HERC1: variants seen among roughly 807,000 people sequenced by gnomAD.
HERC1 encodes the protein probable E3 ubiquitin-protein ligase HERC1.
Under a neutral mutation model 554.3 loss-of-function variants are expected in HERC1, and 160 were observed. The ratio of observed to expected loss-of-function variants is 0.29; its 90% confidence interval spans 0.25 to 0.33. The LOEUF (loss-of-function observed/expected upper bound fraction) is 0.33. Ranked by LOEUF, HERC1 falls within the 10% of genes least tolerant of loss-of-function variation. The pLI is 1.00. For synonymous variants in HERC1, 2,175 were observed against 2,131.7 expected (o/e 1.02, Z -0.56); for missense variants, 4,919 against 5,918.5 (o/e 0.83, Z 5.54).
At chr15:63,676,810 T>G (rs995296042) in intron 37 of HERC1, among the ~76,000 whole-genome samples, 2 of 152,180 alleles carry the variant, frequency 1.3e-5, no homozygotes, top group African/African-American at 4.8e-5. Context: ...TTCTATGTCA[T>G]ACCAACATGT....
chr15:63,653,406 G>A (rs1407336189), intron 51 of HERC1, among the ~76,000 whole-genome samples: 2 of 152,150 alleles, frequency 1.3e-5, no homozygotes, highest in African/African-American at 2.4e-5. Flanking sequence ...TCTCACCACT[G>A]TACTTCAGTC....
chr15:63,733,045 G>C lies in HERC1; in HGVS notation c.2747C>G (p.Ser916Cys). Reference sequence around the variant, plus strand: ...CAGATTTCCGTAGCCAGTACACACAGAAGATAGGTCAGCAGCATCAGAGGG... The same window carrying C: ...CAGATTTCCGTAGCCAGTACACACACAAGATAGGTCAGCAGCATCAGAGGG... Reference protein sequence around the residue: ...SSPSDAADLSSVCTGYGNLSD... With the variant: ...SSPSDAADLSCVCTGYGNLSD... The change falls in exon 14 of 78, where the codon TCT becomes TGT. Residue 916 changes from serine to cysteine, a missense_variant. By Grantham distance (112) the Ser-to-Cys change is moderately radical. Transcript: ENST00000443617. 1 of 1,613,920 alleles carries C rather than the reference G, an allele frequency of 6.2e-7. No individual in the cohort carries two copies. Among genetic ancestry groups the C allele is most frequent in the Non-Finnish European group, 8.5e-7 (1 of 1,179,782 alleles).
chr15:63,757,370 T>G (rs1206107799), intron 4 of HERC1, among the ~76,000 whole-genome samples: 2 of 148,344 alleles, frequency 1.3e-5, no homozygotes, highest in Non-Finnish European at 3.0e-5. Context: ...GTTCAAGCAA[T>G]TCCTGCCTCA....
chr15:63,685,468 C>G (rs2071703394), intron 34 of HERC1, among the ~76,000 whole-genome samples: 1 of 152,204 alleles, frequency 6.6e-6, no homozygotes, highest in South Asian at 2.1e-4. Context: ...ATCATAATAC[C>G]TCAGTCCTGG....
intron 1 of HERC1, among the ~76,000 whole-genome samples, chr15:63,810,230 G>A (rs1438195825): frequency 6.6e-6 from 1 of 152,054 alleles, no homozygotes; most frequent in Non-Finnish European, 1.5e-5. Context: ...ATGTTAATAG[G>A]AGCATTATTC....
rs1343744959 is a variant in HERC1, at chr15:63,615,917, T to A, written c.13945A>T (p.Ile4649Phe). Residue 4649 changes from isoleucine to phenylalanine, a missense_variant, in exon 76 of 78, where the codon ATT becomes TTT. Coordinates refer to ENST00000443617, the MANE Select transcript of HERC1 (RefSeq NM_003922.4). ...GITEESFHEM[I>F]PLDSFVGQSA... ...TGGCCAACAAAAGAATCAAGAGGAATCATCTAGGAACAGAAGAAAACAGAA... is the reference window on the plus strand; with the variant it reads ...TGGCCAACAAAAGAATCAAGAGGAAACATCTAGGAACAGAAGAAAACAGAA... The A allele has an allele frequency of 6.3e-7, 1 of 1,589,916 alleles. No individual in the cohort carries two copies. Among genetic ancestry groups the A allele is most frequent in the South Asian group, 1.2e-5 (1 of 85,720 alleles).
intron 38 of HERC1, 89 bp downstream of exon 38, chr15:63,674,253 A>T (rs184807896): frequency 2.3e-4 from 262 of 1,118,212 alleles, no homozygotes; most frequent in Non-Finnish European, 2.9e-4. Flanking sequence ...TTTTTTTTAC[A>T]AATCACTTAC....
At position 63,706,784 on chromosome 15, in the gene HERC1, CT is replaced by C; in HGVS notation, c.4631del (p.Lys1544ArgfsTer12). 1 of 1,536,460 alleles carries C rather than the reference CT, an allele frequency of 6.5e-7. No individual in the cohort carries two copies. On this transcript the variant is annotated frameshift_variant, in exon 25 of 78. Coordinates refer to ENST00000443617, the MANE Select transcript of HERC1 (RefSeq NM_003922.4). LOFTEE classifies it high-confidence loss of function. ...VDLDLAASHRKRGPMHSQLES... is the reference protein window; with the variant it reads ...VDLDLAASHRXRGPMHSQLES... Reference sequence around the variant, plus strand: ...GTTCTTAATACTTACACTTACCTCTCTTTCTGTGAGATGCTGCCAAATCCAA... The same window carrying C: ...GTTCTTAATACTTACACTTACCTCTCTTCTGTGAGATGCTGCCAAATCCAA...
chr15:63,656,395 A>C, intron 48 of HERC1, 37 bp from the exon 49 acceptor site: 1 of 1,580,060 alleles, frequency 6.3e-7, no homozygotes, highest in Non-Finnish European at 8.6e-7. Context: ...TGGATAAAGA[A>C]AATGGATTTC....
At chr15:63,744,154 GTGTGTGTGTGTC>G (rs1171132597) in intron 12 of HERC1, among the ~76,000 whole-genome samples, 13 of 42,088 alleles carry the variant, frequency 3.1e-4, no homozygotes, top group Admixed American at 7.6e-4. Context: ...GTGTGTGTGT[GTGTGTGTGTGTC>G]TCTCTCTCTC....
At chr15:63,814,706 T>C (rs1418844990) in intron 1 of HERC1, among the ~76,000 whole-genome samples, 1 of 152,082 alleles carries the variant, frequency 6.6e-6, no homozygotes, top group African/African-American at 2.4e-5. Flanking sequence ...TGGCCTCAAG[T>C]TATCTGCCCG....
chr15:63,634,932 C>G, intron 65 of HERC1, 44 bp from the exon 66 acceptor site: 1 of 1,483,060 alleles, frequency 6.7e-7, no homozygotes, highest in Non-Finnish European at 9.1e-7. Flanking sequence ...AGAAGGGAAA[C>G]TAAGAAAAAA....
At chr15:63,802,394 G>C (rs1435279932) in intron 1 of HERC1, among the ~76,000 whole-genome samples, 1 of 152,176 alleles carries the variant, frequency 6.6e-6, no homozygotes, top group African/African-American at 2.4e-5. Context: ...ATGAGAACTA[G>C]TCAAATAAAC....
At chr15:63,738,688 CA>C (rs1275515937) in intron 12 of HERC1, among the ~76,000 whole-genome samples, 1 of 152,054 alleles carries the variant, frequency 6.6e-6, no homozygotes, top group Non-Finnish European at 1.5e-5. Flanking sequence ...AAGAGGAACA[CA>C]AATAGCTGTA....
At chr15:63,785,227 C>G (rs762699628) in intron 1 of HERC1, among the ~76,000 whole-genome samples, 1 of 151,986 alleles carries the variant, frequency 6.6e-6, no homozygotes, top group East Asian at 1.9e-4. Context: ...AGTTCAAGAC[C>G]AGCCTGAGCA....
At chr15:63,682,119 C>T (rs996631660) in intron 34 of HERC1, among the ~76,000 whole-genome samples, 3 of 151,758 alleles carry the variant, frequency 2.0e-5, no homozygotes, top group Non-Finnish European at 2.9e-5. Context: ...AAGAAAGAGA[C>T]GAAAGGAAAA....
chr15:63,716,183 AG>A (rs1282019134), intron 22 of HERC1, 118 bp downstream of exon 22: 21 of 843,168 alleles, frequency 2.5e-5, no homozygotes, highest in Non-Finnish European at 4.0e-5. Flanking sequence ...GATCACCAGC[AG>A]AATATAAAGT....
chr15:63,798,145 A>G (rs1329862645), intron 1 of HERC1, among the ~76,000 whole-genome samples: 1 of 152,198 alleles, frequency 6.6e-6, no homozygotes, highest in Non-Finnish European at 1.5e-5. Flanking sequence ...CTTCAACCCC[A>G]GAATCAGTGC....
intron 1 of HERC1, among the ~76,000 whole-genome samples, chr15:63,831,071 A>G (rs2078135453): frequency 6.6e-6 from 1 of 152,230 alleles, no homozygotes; most frequent in Non-Finnish European, 1.5e-5. Context: ...TGTGTATGTT[A>G]AGCCAAAGTT....
Sources: gnomAD v4.1 joint callset for allele counts (sites outside exome capture counted in the v4.1 genomes callset) on GRCh38, gnomAD v4.1.1 for gene constraint, MANE v1.5 for transcripts, NCBI Gene and HGNC (gene_info 2026-07-23, HGNC 2026-07-21) for gene names.